The following CHSY3 variants were observed in gnomAD, a reference collection of about 807,000 sequenced individuals.
CHSY3 encodes the protein chondroitin sulfate synthase 3, also known as N-acetylgalactosaminyl-proteoglycan 3-beta-glucuronosyltransferase 3.
CHSY3 carries 35 observed loss-of-function variants against 67.2 expected under a neutral mutation model. The observed-to-expected ratio is 0.52, with a 90% CI of 0.40 to 0.69. The LOEUF is 0.69. CHSY3 is among the 30% of genes least tolerant of loss of function. The probability of loss-of-function intolerance (pLI) is 0.00; values close to 1 mark genes in which losing one functional copy is unlikely to be tolerated. For synonymous variants in CHSY3, 474 were observed against 434.7 expected, an observed-to-expected ratio of 1.09 and a Z score of -1.12; for missense variants, 1,069 against 1,138.5, an observed-to-expected ratio of 0.94 and a Z score of 0.88.
chr5:130,027,779 T>C (rs192786521), intron 2 of CHSY3, among the ~76,000 whole-genome samples: 2,436 of 152,264 alleles, frequency 0.016, 52 homozygotes, highest in African/African-American at 0.054. Flanking sequence ...GCTTCATCCA[T>C]GTCCCTACAA....
rs770738963 is a variant in CHSY3 at position 130,003,721 on chromosome 5, A to G, written c.1086+95361A>G. On this transcript the variant is annotated intron_variant, in intron 2 of 2. Coordinates refer to ENST00000305031, the MANE Select transcript of CHSY3 (RefSeq NM_175856.5). ...GGATTTTAAAGTTCCTCTATAGGCA[A>G]TTTGAGACCCTGTGGTCTATCTAGT... Among the ~76,000 whole-genome samples, 8 of 152,300 alleles carry G rather than the reference A, an allele frequency of 5.3e-5. No homozygotes were observed. The East Asian group carries it at 5.8e-4, about 11-fold the overall frequency.
chr5:130,160,912 T>TATTTA (rs1206158613), intron 2 of CHSY3, among the ~76,000 whole-genome samples: 1,710 of 149,016 alleles, frequency 0.011, 38 homozygotes, highest in African/African-American at 0.039. Flanking sequence ...TTTTTTTATT[T>TATTTA]TTTTTTTTTT....
At chr5:130,114,632 T>C (rs1223339029) in intron 2 of CHSY3, 1 of 152,214 alleles carries the variant, frequency 6.6e-6, no homozygotes, top group African/African-American at 2.4e-5. Flanking sequence ...GTCATGGAAC[T>C]CTGAAAAATC....
rs571867325 is a variant in CHSY3 at position 129,985,252 on chromosome 5, T to C, written c.1086+76892T>C. 2.4e-4 allele frequency among the ~76,000 whole-genome samples: 36 copies of C among 152,344 alleles called. No individual in the cohort carries two copies. In the South Asian group the frequency reaches 4.3e-3, roughly 18 times the overall value. On this transcript the variant is annotated intron_variant, in intron 2 of 2. Coordinates refer to ENST00000305031, the MANE Select transcript of CHSY3 (RefSeq NM_175856.5). ...TAGTCTTCTGCATATGGCTAGCCAGTCATCCCAGCAACATTTATTGAATAG... is the reference window on the plus strand; with the variant it reads ...TAGTCTTCTGCATATGGCTAGCCAGCCATCCCAGCAACATTTATTGAATAG...
intron 2 of CHSY3, among the ~76,000 whole-genome samples, chr5:130,041,871 A>T (rs1765015037): frequency 6.6e-6 from 1 of 152,136 alleles, no homozygotes; most frequent in African/African-American, 2.4e-5. Flanking sequence ...GTCTTTATAA[A>T]TTAGGAAACA....
At chr5:130,101,474 C>G (rs114331607) in intron 2 of CHSY3, among the ~76,000 whole-genome samples, 2,238 of 151,968 alleles carry the variant, frequency 0.015, 63 homozygotes, top group African/African-American at 0.051. Context: ...TTTTAAATGA[C>G]AAAAATTATA....
intron 2 of CHSY3, among the ~76,000 whole-genome samples, chr5:130,183,548 T>C (rs1770312527): frequency 6.6e-6 from 1 of 152,200 alleles, no homozygotes; most frequent in African/African-American, 2.4e-5. Context: ...ACTCATGCTG[T>C]GTCCATTCTG....
At chr5:130,093,687 TAAA>T (rs1766951568) in intron 2 of CHSY3, among the ~76,000 whole-genome samples, 1 of 152,148 alleles carries the variant, frequency 6.6e-6, no homozygotes, top group Non-Finnish European at 1.5e-5. Context: ...AGGGCAACTG[TAAA>T]GTCAATACTT....
At chr5:130,048,056 C>T (rs980541830) in intron 2 of CHSY3, among the ~76,000 whole-genome samples, 2 of 147,228 alleles carry the variant, frequency 1.4e-5, no homozygotes, top group South Asian at 4.2e-4. Context: ...TTTTAAAAAA[C>T]GGGAAGGAAA....
Position 130,062,437 on chromosome 5 carries a change from C to T in CHSY3, c.1087-121792C>T, listed in dbSNP as rs188742500. 2.6e-5 allele frequency among the ~76,000 whole-genome samples: 4 copies of T among 152,160 alleles called. No individual in the cohort carries two copies. The East Asian group carries it at 7.7e-4, about 29-fold the overall frequency. The stretch of plus-strand genomic sequence containing the variant: ...AGGGTGGTGAGGGCTGAAAAATTGC[C>T]TGTCAGATAAAATGTTCACTATTTG... On this transcript the variant is annotated intron_variant, in intron 2 of 2. Coordinates refer to ENST00000305031, the MANE Select transcript of CHSY3 (RefSeq NM_175856.5).
chr5:130,164,164 A>G (rs926504721), intron 2 of CHSY3, among the ~76,000 whole-genome samples: 1 of 152,200 alleles, frequency 6.6e-6, no homozygotes, highest in African/African-American at 2.4e-5. Flanking sequence ...TAGAATGTTA[A>G]AAACTCTCTA....
intron 2 of CHSY3, among the ~76,000 whole-genome samples, chr5:129,982,736 CAT>C (rs1763057175): frequency 6.6e-6 from 1 of 151,894 alleles, no homozygotes; most frequent in Non-Finnish European, 1.5e-5. Flanking sequence ...AAGCAGCACT[CAT>C]AGAAGTTATA....
At chr5:130,107,745 A>G (rs1767456469) in intron 2 of CHSY3, among the ~76,000 whole-genome samples, 1 of 151,614 alleles carries the variant, frequency 6.6e-6, no homozygotes, top group Non-Finnish European at 1.5e-5. Context: ...TGATCAATCA[A>G]GTCAGTTCAG....
intron 2 of CHSY3, among the ~76,000 whole-genome samples, chr5:130,033,162 C>G (rs1053698271): frequency 6.6e-6 from 1 of 152,204 alleles, no homozygotes; most frequent in Non-Finnish European, 1.5e-5. Flanking sequence ...TAAAAGTCCT[C>G]TAGCAACTCT....
intron 2 of CHSY3, among the ~76,000 whole-genome samples, chr5:130,100,669 A>G (rs1767211986): frequency 6.6e-6 from 1 of 152,214 alleles, no homozygotes. Flanking sequence ...TAATAGGGTA[A>G]GAGCTTTACG....
intron 2 of CHSY3, among the ~76,000 whole-genome samples, chr5:130,049,204 G>C (rs1765250487): frequency 1.3e-5 from 2 of 151,948 alleles, no homozygotes; most frequent in Admixed American, 1.3e-4. Context: ...CTAAATAAAA[G>C]ATAAAATATG....
At chr5:130,100,184 T>C (rs572052416) in intron 2 of CHSY3, among the ~76,000 whole-genome samples, 1 of 151,440 alleles carries the variant, frequency 6.6e-6, no homozygotes, top group East Asian at 1.9e-4. Flanking sequence ...ATTTGAGGAG[T>C]TAGATTTCTT....
chr5:129,908,844 A>G lies in CHSY3; in HGVS notation c.1086+484A>G, dbSNP rs896396955. On this transcript the variant is annotated intron_variant, in intron 2 of 2. Coordinates refer to ENST00000305031, the MANE Select transcript of CHSY3 (RefSeq NM_175856.5). ...GGATATTTTCCAGTGGAAATTTAAC[A>G]TATTTTTAAAAGTATCAGAAAAGTA... 2.0e-5 allele frequency among the ~76,000 whole-genome samples: 3 copies of G among 152,140 alleles called. No individual in the cohort carries two copies. In the South Asian group the frequency reaches 6.2e-4, roughly 31 times the overall value.
At chr5:130,143,818 A>ATATATATGTGTGTG (rs1768986132) in intron 2 of CHSY3, among the ~76,000 whole-genome samples, 1 of 116,724 alleles carries the variant, frequency 8.6e-6, no homozygotes, top group Non-Finnish European at 1.8e-5. Flanking sequence ...GTGTATATAT[A>ATATATATGTGTGTG]TATATATATA....
Sources: gnomAD v4.1 joint callset for allele counts (sites outside exome capture counted in the v4.1 genomes callset) on GRCh38, gnomAD v4.1.1 for gene constraint, MANE v1.5 for transcripts, NCBI Gene and HGNC (gene_info 2026-07-23, HGNC 2026-07-21) for gene names.